Variants in ZNF786 observed in about 807,000 individuals in gnomAD.
ZNF786 encodes zinc finger protein 786.
ZNF786 carries 56 observed loss-of-function variants against 63.1 expected under a neutral mutation model. The ratio of observed to expected loss-of-function variants is 0.89; its 90% confidence interval spans 0.72 to 1.11. The LOEUF (loss-of-function observed/expected upper bound fraction) is 1.11, where lower values mean the gene tolerates loss of function less well. Ranked by LOEUF, ZNF786 falls within the 50% of genes least tolerant of loss-of-function variation. The pLI is 0.00. For synonymous variants in ZNF786, 485 were observed against 406.9 expected (o/e 1.19, Z -2.31); for missense variants, 1,213 against 1,041.8 (o/e 1.16, Z -2.26).
chr7:149,077,417 G>C (rs1320335094), intron 2 of ZNF786, among the ~76,000 whole-genome samples: 1 of 151,396 alleles, frequency 6.6e-6, no homozygotes, highest in African/African-American at 2.4e-5. Context: ...CATGAGGTCA[G>C]CAGATCGAGA....
At chr7:149,089,179 C>T (rs1825789682) in intron 1 of ZNF786, among the ~76,000 whole-genome samples, 1 of 152,132 alleles carries the variant, frequency 6.6e-6, no homozygotes, top group African/African-American at 2.4e-5. Context: ...GTCTCGATCT[C>T]CTGATCTCGT....
intron 2 of ZNF786, among the ~76,000 whole-genome samples, chr7:149,076,753 C>T (rs962845025): frequency 2.7e-5 from 4 of 150,660 alleles, no homozygotes; most frequent in Admixed American, 6.6e-5. Flanking sequence ...ATAGACCATA[C>T]CACATTGTAC....
intron 1 of ZNF786, among the ~76,000 whole-genome samples, chr7:149,085,995 G>T (rs1825730165): frequency 6.6e-6 from 1 of 152,090 alleles, no homozygotes; most frequent in Non-Finnish European, 1.5e-5. Context: ...ACCCTATGGG[G>T]TTTTCTACAT....
intron 2 of ZNF786, among the ~76,000 whole-genome samples, chr7:149,076,914 A>G (rs1265149552): frequency 2.6e-5 from 4 of 152,150 alleles, no homozygotes; most frequent in Non-Finnish European, 5.9e-5. Context: ...GAATACACAC[A>G]TAAGCATTGA....
intron 1 of ZNF786, among the ~76,000 whole-genome samples, chr7:149,081,415 G>A (rs149718171): frequency 0.012 from 1,491 of 121,702 alleles, 35 homozygotes; most frequent in African/African-American, 0.044. Flanking sequence ...CAGCCTGGGC[G>A]ACAGAGCAAG....
At chr7:149,073,717 ATG>A (rs1287059024) in intron 3 of ZNF786, among the ~76,000 whole-genome samples, 5 of 88,226 alleles carry the variant, frequency 5.7e-5, no homozygotes, top group Non-Finnish European at 1.0e-4. Context: ...GTGTGTGTAT[ATG>A]TGTGCGTGTG....
chr7:149,087,001 C>T (rs1039226945), intron 1 of ZNF786, among the ~76,000 whole-genome samples: 5 of 152,100 alleles, frequency 3.3e-5, no homozygotes, highest in Admixed American at 3.3e-4. Flanking sequence ...TGCCAACATG[C>T]TCGGCTAATT....
rs1187948860 is a variant in ZNF786 at position 149,080,596 on chromosome 7, G to A, written c.140C>T (p.Ser47Phe). 4.4e-6 allele frequency: 7 copies of A among 1,607,654 alleles called. No homozygotes were observed. In the African/African-American group the frequency reaches 8.0e-5, roughly 18 times the overall value. ...CAAAGGTGAACAGGTCTTACCTAGAGAGACGAGAGTCTCATAATTGCTTCT... is the reference window on the plus strand; with the variant it reads ...CAAAGGTGAACAGGTCTTACCTAGAAAGACGAGAGTCTCATAATTGCTTCT... ...VMRSNYETLV[S>F]LDDGLPKPEL... The change falls in exon 2 of 4, where the codon TCT becomes TTT. Residue 47 changes from serine (S) to phenylalanine (F), a missense_variant. By Grantham distance (155) the Ser-to-Phe change is radical (BLOSUM62 -2). Coordinates refer to ENST00000491431, the MANE Select transcript of ZNF786 (RefSeq NM_152411.4).
rs117045150 is a variant in ZNF786 at position 149,084,020 on chromosome 7, A to G, written c.19-3303T>C. 2.3e-3 allele frequency among the ~76,000 whole-genome samples: 347 copies of G among 152,270 alleles called. 16 individuals carry two copies. In the East Asian group the frequency reaches 0.062, roughly 27 times the overall value. ...CAAACATGTGTCTTTATGCAGAACA[A>G]TTTATATTCCTTTGGGTATATATTC... On this transcript the variant is annotated intron_variant, in intron 1 of 3. Coordinates refer to ENST00000491431, the MANE Select transcript of ZNF786 (RefSeq NM_152411.4).
chr7:149,074,374 C>CT lies in ZNF786; in HGVS notation c.298+11dup. 1 of 1,613,332 alleles carries CT rather than the reference C, an allele frequency of 6.2e-7. No homozygotes were observed. Among genetic ancestry groups the CT allele is most frequent in the Non-Finnish European group, 8.5e-7 (1 of 1,179,590 alleles). ...TGTCTCAAGGTCGGGGCCCTGATTTCTTAATACTCACCCCAAAACAGCTGT... is the reference window on the plus strand; with the variant it reads ...TGTCTCAAGGTCGGGGCCCTGATTTCTTTAATACTCACCCCAAAACAGCTGT... On this transcript the variant is annotated intron_variant, in intron 3 of 3. Coordinates refer to ENST00000491431, the MANE Select transcript of ZNF786 (RefSeq NM_152411.4).
At chr7:149,072,948 A>G (rs1192944198) in intron 3 of ZNF786, among the ~76,000 whole-genome samples, 1 of 152,186 alleles carries the variant, frequency 6.6e-6, no homozygotes, top group Non-Finnish European at 1.5e-5. Flanking sequence ...ACTTCAGGAA[A>G]GCCAGTGTAT....
intron 1 of ZNF786, among the ~76,000 whole-genome samples, chr7:149,083,709 G>A (rs1223502943): frequency 6.6e-6 from 1 of 152,064 alleles, no homozygotes; most frequent in East Asian, 1.9e-4. Context: ...CCTTCAAGTA[G>A]GCCCCAATGT....
rs374085431 is a variant in ZNF786, at chr7:149,070,912, G to A, written c.1860C>T (p.Pro620=). 6.6e-5 allele frequency: 107 copies of A among 1,610,722 alleles called. No homozygotes were observed. The African/African-American group carries it at 1.2e-3, about 18-fold the overall frequency. ...GCTTGTCGCACTCCGGACACTGGAA[G>A]GGCCTCTCTCCCGTGTGCAGGCGCT... ...SHQRLHTGER[P]FQCPECDKRY... The change falls in exon 4 of 4, where the codon CCC becomes CCT. Residue 620 remains proline (P), a synonymous_variant. Transcript: ENST00000491431.
Position 149,080,601 on chromosome 7 carries a change from G to A in ZNF786, c.135C>T (p.Leu45=), listed in dbSNP as rs774415501. Residue 45 remains leucine (L), a synonymous_variant, in exon 2 of 4, where the codon CTC becomes CTT. Transcript: ENST00000491431. ...GTGAACAGGTCTTACCTAGAGAGAC[G>A]AGAGTCTCATAATTGCTTCTCATCA... ...KHVMRSNYET[L]VSLDDGLPKP... 9.3e-6 allele frequency: 15 copies of A among 1,609,496 alleles called. No individual in the cohort carries two copies. In the South Asian group the frequency reaches 1.0e-4, roughly 11 times the overall value.
chr7:149,071,460 A>G lies in ZNF786; in HGVS notation c.1312T>C (p.Cys438Arg). ...ACTCGAATGTGCTCCGTGAGTTTAC[A>G]CTGCTTGGCGAAGCCCTTGCCACAC... ...RKCGKGFAKQ[C>R]KLTEHIRVHS... The change falls in exon 4 of 4, where the codon TGT becomes CGT. Residue 438 changes from cysteine (C) to arginine (R), a missense_variant. Physicochemically the swap from Cys to Arg is radical, Grantham distance 180 (BLOSUM62 -3). Coordinates refer to ENST00000491431, the MANE Select transcript of ZNF786 (RefSeq NM_152411.4). 6.2e-7 allele frequency: 1 copy of G among 1,612,460 alleles called. No homozygotes were observed. Among genetic ancestry groups the G allele is most frequent in the Non-Finnish European group, 8.5e-7 (1 of 1,179,632 alleles).
intron 1 of ZNF786, among the ~76,000 whole-genome samples, chr7:149,082,265 T>C (rs1439109535): frequency 6.6e-6 from 1 of 152,186 alleles, no homozygotes; most frequent in Non-Finnish European, 1.5e-5. Flanking sequence ...TTGTAAGTCT[T>C]CTGAGGCCTC....
chr7:149,070,449 C>T lies in ZNF786; in HGVS notation c.2323G>A (p.Ala775Thr), dbSNP rs752266257. ...CAACTCCAATCGGCCTCTATCATTG[C>T]AAACAGTTGGCTGAGCCTTTTCTTA... ...DIKKRLSQLF[A>T]MIEADWS Residue 775 changes from alanine (A) to threonine (T), a missense_variant, in exon 4 of 4, where the codon GCA becomes ACA. Ala to Thr is a moderately conservative substitution (Grantham distance 58). Transcript: ENST00000491431. 6.2e-7 allele frequency: 1 copy of T among 1,613,800 alleles called. No individual in the cohort carries two copies. Among genetic ancestry groups the T allele is most frequent in the South Asian group, 1.1e-5 (1 of 91,036 alleles).
chr7:149,084,414 C>T (rs1342635153), intron 1 of ZNF786, among the ~76,000 whole-genome samples: 4 of 151,210 alleles, frequency 2.6e-5, no homozygotes, highest in Admixed American at 1.3e-4. Context: ...CACCAAACTG[C>T]TTTCCACAAC....
At chr7:149,087,521 T>G (rs1825757692) in intron 1 of ZNF786, among the ~76,000 whole-genome samples, 1 of 152,148 alleles carries the variant, frequency 6.6e-6, no homozygotes, top group Admixed American at 6.6e-5. Context: ...AAACAGAAAA[T>G]TATCCAGCAC....
Sources: allele counts gnomAD v4.1 joint callset (sites outside exome capture counted in the v4.1 genomes callset), GRCh38; gene constraint gnomAD v4.1.1; transcripts MANE v1.5; gene names NCBI Gene and HGNC (gene_info 2026-07-23, HGNC 2026-07-21).